Variants in PELP1 observed in about 807,000 individuals in gnomAD.
The protein encoded by PELP1 is proline-, glutamic acid- and leucine-rich protein 1.
A neutral mutation model predicts 95.5 loss-of-function variants in PELP1; 32 were observed. That is an observed-to-expected ratio of 0.34 (90% CI 0.25 to 0.45). PELP1 has a LOEUF of 0.45. PELP1 is among the 20% of genes least tolerant of loss of function. PELP1 has a pLI of 1.00. For missense variants in PELP1, 1,358 were observed against 1,444.8 expected (o/e 0.94, Z 0.97); for synonymous variants, 668 against 600.1 (o/e 1.11, Z -1.65).
intron 5 of PELP1, among the ~76,000 whole-genome samples, chr17:4,677,368 T>A (rs1226296071): frequency 6.6e-6 from 1 of 152,174 alleles, no homozygotes; most frequent in Admixed American, 6.5e-5. Flanking sequence ...TTTAGTTGGA[T>A]ATACAATCAT....
Position 4,670,922 on chromosome 17 carries a change from C to T in PELP1, c.*517G>A, listed in dbSNP as rs752872312. 62 of 154,916 alleles carry T rather than the reference C, an allele frequency of 4.0e-4. No individual in the cohort carries two copies. The highest frequency in any genetic ancestry group is 2.0e-3 in the Admixed American group (31 of 15,408). The allele number at this position is 154,916 out of a possible 1,614,324, so 9.6% of individuals were successfully genotyped here. On this transcript the variant is annotated 3_prime_UTR_variant, in exon 17 of 17. Coordinates refer to ENST00000572293, the MANE Select transcript of PELP1 (RefSeq NM_014389.3). ...TCATCTTGGGGTAAGGTCCAAATTT[C>T]CCAGAATTCAATGACTAAACTGCTC...
chr17:4,679,185 C>A (rs963337591), intron 5 of PELP1, among the ~76,000 whole-genome samples: 1 of 152,054 alleles, frequency 6.6e-6, no homozygotes, highest in African/African-American at 2.4e-5. Context: ...ACCACCACAC[C>A]CAGCTAATTT....
At chr17:4,698,695 CA>C (rs1470076227) in intron 1 of PELP1, among the ~76,000 whole-genome samples, 2 of 146,200 alleles carry the variant, frequency 1.4e-5, no homozygotes, top group African/African-American at 5.1e-5. Context: ...CTAAATGCAA[CA>C]TGTGATCCTG....
rs780445565 is a variant in PELP1, at chr17:4,703,904, T to G, written c.208A>C (p.Met70Leu). The G allele has an allele frequency of 6.2e-6, 10 of 1,613,276 alleles. No homozygotes were observed. The highest frequency in any genetic ancestry group is 2.2e-5 in the East Asian group (1 of 44,890). The stretch of plus-strand genomic sequence containing the variant: ...GACCCATGCAGCCGCAATAGGCACA[T>G]GAGCCCGGGCAAATGTGGGGCCGAG... ...NRSAPHLPGL[M>L]CLLRLHGSVG... Residue 70 changes from methionine to leucine, a missense_variant, in exon 1 of 17, where the codon ATG (methionine) becomes CTG (leucine). Transcript: ENST00000572293.
chr17:4,685,342 G>C (rs923169636), intron 3 of PELP1, among the ~76,000 whole-genome samples: 104 of 152,228 alleles, frequency 6.8e-4, no homozygotes, highest in African/African-American at 2.5e-3. Context: ...TCTTCTTTCT[G>C]TTGGCCTGTC....
At chr17:4,700,928 CAAA>C (rs61195131) in intron 1 of PELP1, among the ~76,000 whole-genome samples, 9 of 102,636 alleles carry the variant, frequency 8.8e-5, no homozygotes, top group Non-Finnish European at 1.4e-4. Flanking sequence ...GGCCCTATCT[CAAA>C]AAAAAAAAAA....
chr17:4,682,034 G>A (rs535013886), intron 5 of PELP1, among the ~76,000 whole-genome samples: 9 of 151,348 alleles, frequency 5.9e-5, no homozygotes, highest in Non-Finnish European at 1.2e-4. Flanking sequence ...GGTGGCACAC[G>A]CCTTAGTCCC....
Position 4,675,089 on chromosome 17 carries a change from T to A in PELP1, c.1264A>T (p.Arg422Trp), listed in dbSNP as rs1433466212. 3.1e-6 allele frequency: 5 copies of A among 1,613,384 alleles called. No individual in the cohort carries two copies. Among genetic ancestry groups the A allele is most frequent in the Non-Finnish European group, 4.2e-6 (5 of 1,179,548 alleles). The change falls in exon 11 of 17, where the codon AGG becomes TGG. Residue 422 changes from arginine (R) to tryptophan (W), a missense_variant. Physicochemically the swap from Arg to Trp is moderately radical, Grantham distance 101. Transcript: ENST00000572293. The surrounding 1 kb of genome is among the most constrained non-coding windows in gnomAD (Gnocchi z 4.3). ...TTCCTGGATGGTCACCTGTAAGGCC[T>A]CTCCTGGCCTGGAGAGAGGGAATCT... ...GRDSLSPGQERPYSTVRTKVY... is the reference protein window; with the variant it reads ...GRDSLSPGQEWPYSTVRTKVY...
chr17:4,670,275 T>C lies in PELP1; in HGVS notation c.*1164A>G, dbSNP rs1266763366. The C allele has an allele frequency of 6.6e-6, 1 of 152,168 alleles. No individual in the cohort carries two copies. Among genetic ancestry groups the C allele is most frequent in the African/African-American group, 2.4e-5 (1 of 41,436 alleles). 9.4% of individuals were successfully genotyped at this position (152,168 alleles called of 1,614,324 possible). A position where few individuals can be genotyped will look rare whatever the true frequency, so the allele number is the denominator to read the frequency against. Reference sequence around the variant, plus strand: ...CCTCTTCTGCATTGCGAAGGCACTTTACTTACGTTCATGATTCAACTGACT... The same window carrying C: ...CCTCTTCTGCATTGCGAAGGCACTTCACTTACGTTCATGATTCAACTGACT... On this transcript the variant is annotated 3_prime_UTR_variant, in exon 17 of 17. Coordinates refer to ENST00000572293, the MANE Select transcript of PELP1 (RefSeq NM_014389.3).
intron 1 of PELP1, among the ~76,000 whole-genome samples, chr17:4,700,179 A>AC (rs1292503106): frequency 6.6e-6 from 1 of 152,088 alleles, no homozygotes; most frequent in Non-Finnish European, 1.5e-5. Context: ...TGCTGGGATT[A>AC]CAGGCGTGAG....
Position 4,672,006 on chromosome 17 carries a change from C to T in PELP1, c.2985G>A (p.Val995=), listed in dbSNP as rs1446666203. ...ALPPPESPPK[V]QPEPEPEPGL... is the part of the protein sequence containing the mutation. ...CGGGTTCAGGTTCGGGTTCTGGCTGCACCTTTGGGGGAGACTCAGGGGGAG... is the reference window on the plus strand; with the variant it reads ...CGGGTTCAGGTTCGGGTTCTGGCTGTACCTTTGGGGGAGACTCAGGGGGAG... The change falls in exon 16 of 17, where the codon GTG becomes GTA. Residue 995 remains valine, a synonymous_variant. Coordinates refer to ENST00000572293, the MANE Select transcript of PELP1 (RefSeq NM_014389.3). The T allele has an allele frequency of 2.6e-6, 4 of 1,564,078 alleles. No homozygotes were observed. Among genetic ancestry groups the T allele is most frequent in the African/African-American group, 2.7e-5 (2 of 73,348 alleles).
intron 5 of PELP1, among the ~76,000 whole-genome samples, chr17:4,680,744 C>A (rs1338962602): frequency 6.6e-6 from 1 of 152,196 alleles, no homozygotes; most frequent in Non-Finnish European, 1.5e-5. Flanking sequence ...GGTGTCCGAT[C>A]GTTTGTCAAA....
rs752226452 is a variant in PELP1, at chr17:4,675,882, G to A, written c.983C>T (p.Ser328Phe). The A allele has an allele frequency of 1.9e-5, 30 of 1,589,492 alleles. No individual in the cohort carries two copies. The highest frequency in any genetic ancestry group is 2.5e-5 in the Non-Finnish European group (29 of 1,168,024). ...LARCLGLMLS[S>F]EFGAPVSVPV... ...GACGGACACGGGAGCTCCAAACTCAGAGCTAAAGAGAATCAGAGCAGGGAG... is the reference window on the plus strand; with the variant it reads ...GACGGACACGGGAGCTCCAAACTCAAAGCTAAAGAGAATCAGAGCAGGGAG... The change falls in exon 9 of 17, where the codon TCT becomes TTT. Residue 328 changes from serine to phenylalanine, a missense_variant and splice_region_variant. Ser to Phe is a radical substitution (Grantham distance 155, BLOSUM62 -2). Around this residue, in one of 7 missense-constraint regions of PELP1, gnomAD observed 538 missense variants for 628.1 expected, o/e 0.86. Transcript: ENST00000572293. This position sits in a 1 kb window ranked among gnomAD's most constrained non-coding sequence, Gnocchi z 4.3.
chr17:4,700,403 G>A (rs1913477710), intron 1 of PELP1, among the ~76,000 whole-genome samples: 2 of 152,048 alleles, frequency 1.3e-5, no homozygotes, highest in Non-Finnish European at 2.9e-5. Context: ...TCAGCACTTT[G>A]GGAGGTCGAG....
chr17:4,684,275 G>A (rs1437911250), intron 3 of PELP1, among the ~76,000 whole-genome samples: 1 of 152,094 alleles, frequency 6.6e-6, no homozygotes, highest in Non-Finnish European at 1.5e-5. Flanking sequence ...CATTTCTCTG[G>A]TTAACGCTGC....
chr17:4,699,744 G>A (rs780624036), intron 1 of PELP1, among the ~76,000 whole-genome samples: 2 of 151,678 alleles, frequency 1.3e-5, no homozygotes, highest in East Asian at 1.9e-4. Context: ...GCGTCACCAC[G>A]CCCAGCTAAT....
chr17:4,701,038 A>G (rs952605515), intron 1 of PELP1, among the ~76,000 whole-genome samples: 1 of 150,630 alleles, frequency 6.6e-6, no homozygotes, highest in Non-Finnish European at 1.5e-5. Flanking sequence ...GAGGAATGAA[A>G]TAACATTGGC....
chr17:4,703,090 T>C (rs1329691600), intron 1 of PELP1, among the ~76,000 whole-genome samples: 3 of 152,160 alleles, frequency 2.0e-5, no homozygotes, highest in African/African-American at 7.2e-5. Flanking sequence ...ATTCCATTCT[T>C]ATAGAAGTCC....
At chr17:4,676,532 G>T in intron 6 of PELP1, 25 bp from the exon 7 acceptor site, 1 of 1,611,892 alleles carries the variant, frequency 6.2e-7, no homozygotes, top group Non-Finnish European at 8.5e-7. Flanking sequence ...ACAGAAACCT[G>T]GTCAGATGGG....
Sources: allele counts gnomAD v4.1 joint callset (sites outside exome capture counted in the v4.1 genomes callset), GRCh38; gene constraint gnomAD v4.1.1; regional missense constraint gnomAD v4.1.1; non-coding constraint Gnocchi (gnomAD v3.1); transcripts MANE v1.5; gene names NCBI Gene and HGNC (gene_info 2026-07-23, HGNC 2026-07-21).